The following PDE1A variants were observed in gnomAD, a reference collection of about 807,000 sequenced individuals.
The protein encoded by PDE1A is phosphodiesterase 1A, also known as dual specificity calcium/calmodulin-dependent 3',5'-cyclic nucleotide phosphodiesterase 1A.
Under a neutral mutation model 61.7 loss-of-function variants are expected in PDE1A, and 35 were observed. The observed-to-expected ratio is 0.57, with a 90% CI of 0.43 to 0.75. PDE1A has a LOEUF of 0.75. PDE1A is among the 30% of genes least tolerant of loss of function. PDE1A has a pLI of 0.00. For missense variants in PDE1A, 597 were observed against 630.6 expected (o/e 0.95, Z 0.57); for synonymous variants, 232 against 213.2 (o/e 1.09, Z -0.77).
intron 6 of PDE1A, among the ~76,000 whole-genome samples, chr2:182,224,595 C>G (rs1156517098): frequency 2.0e-5 from 3 of 151,764 alleles, no homozygotes; most frequent in Non-Finnish European, 4.4e-5. Flanking sequence ...ATTCATCTTT[C>G]AGTTACTAAC....
intron 1 of PDE1A, among the ~76,000 whole-genome samples, chr2:182,303,818 A>T (rs1196315425): frequency 1.3e-5 from 2 of 152,246 alleles, no homozygotes; most frequent in African/African-American, 2.4e-5. Context: ...TCTTCTGGAT[A>T]AACTGCTGCA....
chr2:182,705,595 C>A, the PDE1A span, among the ~76,000 whole-genome samples: 2 of 152,052 alleles, frequency 1.3e-5, no homozygotes, highest in African/African-American at 4.8e-5. Flanking sequence ...CTCACTGCAA[C>A]TGACGCCTCC....
chr2:182,619,581 G>A, the PDE1A span, among the ~76,000 whole-genome samples: 1 of 152,144 alleles, frequency 6.6e-6, no homozygotes, highest in Non-Finnish European at 1.5e-5. Flanking sequence ...AATACTCATT[G>A]TGAAACACTA....
the PDE1A span, among the ~76,000 whole-genome samples, chr2:182,531,940 A>T: frequency 6.6e-6 from 1 of 152,150 alleles, no homozygotes; most frequent in Admixed American, 6.5e-5. Context: ...ATGAGTGAGA[A>T]CATGTTGTAT....
chr2:182,296,989 C>G (rs1012486334), intron 1 of PDE1A, among the ~76,000 whole-genome samples: 10 of 152,158 alleles, frequency 6.6e-5, no homozygotes, highest in Non-Finnish European at 1.3e-4. Flanking sequence ...GCATTCAGAC[C>G]TGGACTGGAA....
chr2:182,144,471 A>G (rs910725713), downstream of PDE1A, among the ~76,000 whole-genome samples: 22 of 152,206 alleles, frequency 1.4e-4, no homozygotes, highest in African/African-American at 5.1e-4. Flanking sequence ...TTATACAACA[A>G]TGTGAAAAGT....
At chr2:182,498,137 G>T (rs754684321) in intron 2 of PDE1A, among the ~76,000 whole-genome samples, 1 of 150,728 alleles carries the variant, frequency 6.6e-6, no homozygotes, top group Admixed American at 6.6e-5. Flanking sequence ...AATGAGCTCT[G>T]CAGTGTCTCA....
At chr2:182,652,987 C>T in the PDE1A span, among the ~76,000 whole-genome samples, 7 of 152,280 alleles carry the variant, frequency 4.6e-5, no homozygotes, top group African/African-American at 1.7e-4. Flanking sequence ...ACAAGTGCAC[C>T]TCATGAGTTC....
chr2:182,551,887 A>G, the PDE1A span, among the ~76,000 whole-genome samples: 7 of 152,176 alleles, frequency 4.6e-5, no homozygotes, highest in Admixed American at 4.6e-4. Context: ...CTTGACTTCA[A>G]TCTGGACCTC....
chr2:182,549,472 T>C, the PDE1A span, among the ~76,000 whole-genome samples: 2 of 152,146 alleles, frequency 1.3e-5, no homozygotes, highest in African/African-American at 4.8e-5. Flanking sequence ...GCATACAATG[T>C]ATAGCATACT....
chr2:182,636,271 T>C, the PDE1A span, among the ~76,000 whole-genome samples: 2 of 152,140 alleles, frequency 1.3e-5, no homozygotes, highest in Non-Finnish European at 2.9e-5. Context: ...CCTGTATTTT[T>C]TAGGCTTAAA....
At chr2:182,309,534 C>CA (rs1695825155) in intron 1 of PDE1A, among the ~76,000 whole-genome samples, 1 of 152,038 alleles carries the variant, frequency 6.6e-6, no homozygotes, top group Non-Finnish European at 1.5e-5. Context: ...CTGATGAAGT[C>CA]ACAGTTACCT....
chr2:182,281,825 C>A (rs1474374546), intron 1 of PDE1A, among the ~76,000 whole-genome samples: 1 of 151,760 alleles, frequency 6.6e-6, no homozygotes, highest in Non-Finnish European at 1.5e-5. Context: ...TGTGAATAAG[C>A]AAATTGTCAA....
At chr2:182,580,953 T>A in the PDE1A span, among the ~76,000 whole-genome samples, 1 of 152,154 alleles carries the variant, frequency 6.6e-6, no homozygotes, top group Admixed American at 6.6e-5. Context: ...CTCTTTTCTG[T>A]ATCTTGTCAC....
chr2:182,601,418 G>C, the PDE1A span, among the ~76,000 whole-genome samples: 10 of 152,336 alleles, frequency 6.6e-5, 1 homozygote, highest in African/African-American at 2.4e-4. Flanking sequence ...GGGAGTCATG[G>C]CCCTGAATGT....
the PDE1A span, among the ~76,000 whole-genome samples, chr2:182,704,217 A>AAC: frequency 4.7e-5 from 7 of 150,082 alleles, no homozygotes; most frequent in Non-Finnish European, 7.4e-5. Flanking sequence ...TCTGGAAAAA[A>AAC]AAAAAAAACA....
At chr2:182,572,852 G>C in the PDE1A span, among the ~76,000 whole-genome samples, 3 of 134,174 alleles carry the variant, frequency 2.2e-5, no homozygotes, top group Admixed American at 2.4e-4. Context: ...CTGGGCGACA[G>C]AGCGAGACTC....
At chr2:182,468,790 A>G (rs1048799260) in intron 2 of PDE1A, among the ~76,000 whole-genome samples, 18 of 152,172 alleles carry the variant, frequency 1.2e-4, no homozygotes, top group Middle Eastern at 3.4e-3. Flanking sequence ...TCCTTGGTCC[A>G]TGGCTTCAGA....
At chr2:182,257,050 T>C (rs1691871952) in intron 2 of PDE1A, among the ~76,000 whole-genome samples, 2 of 152,240 alleles carry the variant, frequency 1.3e-5, no homozygotes, top group Non-Finnish European at 1.5e-5. Flanking sequence ...CTGTGGCATT[T>C]GATTTACCCT....
Sources: allele counts gnomAD v4.1 joint callset (sites outside exome capture counted in the v4.1 genomes callset), GRCh38; gene constraint gnomAD v4.1.1; transcripts MANE v1.5; gene names NCBI Gene and HGNC (gene_info 2026-07-23, HGNC 2026-07-21).